Variants in IPO7 observed in about 807,000 individuals in gnomAD.
IPO7 encodes the protein importin-7.
Under a neutral mutation model 136.4 loss-of-function variants are expected in IPO7, and 13 were observed. The ratio of observed to expected loss-of-function variants is 0.10; its 90% CI spans 0.06 to 0.15. The LOEUF is 0.15. Among genes scored for constraint, IPO7 ranks in the 10% least tolerant of loss-of-function variants. The pLI, the probability that IPO7 is intolerant of heterozygous loss-of-function variation, is 1.00. For missense variants in IPO7, 857 were observed against 1,240.6 expected, an observed-to-expected ratio of 0.69 and a Z score of 4.65; for synonymous variants, 403 against 404.4, an observed-to-expected ratio of 1.00 and a Z score of 0.04.
Position 9,408,704 on chromosome 11 carries a change from G to GTTTTT in IPO7, c.320+87_320+91dup, listed in dbSNP as rs377057603. 4.0e-4 allele frequency: 70 copies of GTTTTT among 173,284 alleles called. 1 individual carries two copies. The highest frequency in any genetic ancestry group is 1.4e-3 in the South Asian group (10 of 7,236). 10.7% of individuals were successfully genotyped at this position (173,284 alleles called of 1,614,324 possible). On this transcript the variant is annotated intron_variant, in intron 3 of 24. Coordinates refer to ENST00000379719, the MANE Select transcript of IPO7 (RefSeq NM_006391.3). ...AACTTTCAGGGTTTTTTGTTTTTTGGTTTTTTTTTTTTTTTTTTTTTTTTT... is the reference window on the plus strand; with the variant it reads ...AACTTTCAGGGTTTTTTGTTTTTTGGTTTTTTTTTTTTTTTTTTTTTTTTTTTTTT...
At chr11:9,401,041 C>CAA (rs1854787388) in intron 1 of IPO7, among the ~76,000 whole-genome samples, 1 of 151,704 alleles carries the variant, frequency 6.6e-6, no homozygotes, top group African/African-American at 2.4e-5. Context: ...ATTAGCTGGG[C>CAA]GTGGTGGCAT....
chr11:9,404,676 C>T (rs1327680447), intron 2 of IPO7, among the ~76,000 whole-genome samples: 1 of 148,616 alleles, frequency 6.7e-6, no homozygotes, highest in Admixed American at 6.8e-5. Flanking sequence ...CGCCGTTCTT[C>T]TGCCTCAGCC....
In IPO7 at chr11:9,447,677, T is replaced by G. The variant is rs999558717; in HGVS notation, c.*2483T>G. On this transcript the variant is annotated 3_prime_UTR_variant, in exon 25 of 25. Coordinates refer to ENST00000379719, the MANE Select transcript of IPO7 (RefSeq NM_006391.3). ...TTTAGTTGTAGAAGTTAATTCTGATTTTGTGTGGATTTCAGTATTTGTCTT... is the reference window on the plus strand; with the variant it reads ...TTTAGTTGTAGAAGTTAATTCTGATGTTGTGTGGATTTCAGTATTTGTCTT... The G allele has an allele frequency of 2.0e-5, 3 of 152,208 alleles. No homozygotes were observed. Among genetic ancestry groups the G allele is most frequent in the African/African-American group, 7.2e-5 (3 of 41,470 alleles). The allele number at this position is 152,208 out of a possible 1,614,324, so 9.4% of individuals were successfully genotyped here.
At chr11:9,399,566 A>C (rs111716597) in intron 1 of IPO7, among the ~76,000 whole-genome samples, 1 of 152,292 alleles carries the variant, frequency 6.6e-6, no homozygotes, top group African/African-American at 2.4e-5. Context: ...TAGTGATGAG[A>C]GGTTGGGAGA....
intron 5 of IPO7, among the ~76,000 whole-genome samples, chr11:9,416,111 A>T (rs577389323): frequency 5.9e-5 from 9 of 152,210 alleles, no homozygotes; most frequent in African/African-American, 2.2e-4. Flanking sequence ...AGGTTGGAGG[A>T]TTGCTTGAAA....
intron 1 of IPO7, among the ~76,000 whole-genome samples, chr11:9,386,282 C>T (rs566965030): frequency 5.3e-5 from 8 of 152,186 alleles, no homozygotes; most frequent in Non-Finnish European, 8.8e-5. Context: ...AATTTTTAGA[C>T]TCAGAGTCAC....
intron 1 of IPO7, among the ~76,000 whole-genome samples, chr11:9,391,915 C>T (rs929455709): frequency 1.3e-5 from 2 of 152,002 alleles, no homozygotes; most frequent in East Asian, 3.9e-4. Context: ...TACAGGCGTG[C>T]ACCACCACAC....
chr11:9,440,215 C>T (rs967457499), intron 22 of IPO7, among the ~76,000 whole-genome samples: 3 of 152,116 alleles, frequency 2.0e-5, no homozygotes, highest in African/African-American at 4.8e-5. Context: ...GTTCATACTG[C>T]GCAGTTCTTT....
intron 10 of IPO7, among the ~76,000 whole-genome samples, 179 bp downstream of exon 10, chr11:9,424,055 T>C (rs1451449427): frequency 2.6e-5 from 4 of 152,214 alleles, no homozygotes; most frequent in Non-Finnish European, 5.9e-5. Flanking sequence ...GATAATCTTA[T>C]TTTTGGCAGA....
intron 23 of IPO7, 72 bp downstream of exon 23, chr11:9,440,733 G>GGAA: frequency 8.3e-7 from 1 of 1,204,058 alleles, no homozygotes; most frequent in Non-Finnish European, 1.2e-6. Flanking sequence ...GCCCTTTAAA[G>GGAA]GAAGAGTTTG....
In IPO7 at chr11:9,409,932, C is replaced by T. The variant is rs201024021; in HGVS notation, c.325C>T (p.Gln109Ter). ...CTGTTTTTTTTTGGCTTCCAGGGTA[C>T]AGCTTACTACATGCATTCATCACAT... ...IIHSPELIRVQLTTCIHHIIK... is the reference protein window; with the variant it reads ...IIHSPELIRV Residue 109 changes from glutamine (Q) to a stop codon, truncating the protein, a stop_gained, in exon 4 of 25, where the codon CAG (glutamine) becomes TAG (stop). Coordinates refer to ENST00000379719, the MANE Select transcript of IPO7 (RefSeq NM_006391.3). LOFTEE classifies it high-confidence loss of function. 6.5e-7 allele frequency: 1 copy of T among 1,541,666 alleles called. No homozygotes were observed. Among genetic ancestry groups the T allele is most frequent in the Non-Finnish European group, 8.7e-7 (1 of 1,148,902 alleles).
At chr11:9,438,355 A>C in intron 22 of IPO7, 70 bp downstream of exon 22, 1 of 988,434 alleles carries the variant, frequency 1.0e-6, no homozygotes, top group Non-Finnish European at 1.6e-6. Flanking sequence ...GGCCGGGCGC[A>C]GTGGCTCAGG....
chr11:9,441,836 T>C (rs1855463306), intron 23 of IPO7, among the ~76,000 whole-genome samples: 4 of 152,200 alleles, frequency 2.6e-5, no homozygotes, highest in South Asian at 2.1e-4. Flanking sequence ...TGAGTCCTTA[T>C]TTGCTGGAGA....
At chr11:9,423,654 C>T (rs1306387966) in intron 9 of IPO7, 123 bp from the exon 10 acceptor site, 1 of 603,950 alleles carries the variant, frequency 1.7e-6, no homozygotes, top group Non-Finnish European at 2.9e-6. Flanking sequence ...AAATGCATTA[C>T]TAACGTTTGA....
intron 22 of IPO7, among the ~76,000 whole-genome samples, chr11:9,439,726 C>T (rs1480805119): frequency 2.3e-5 from 3 of 131,664 alleles, no homozygotes; most frequent in African/African-American, 5.2e-5. Context: ...CAGGCGTGTG[C>T]CACCACACCG....
chr11:9,420,146 T>C, intron 6 of IPO7: 1 of 360,620 alleles, frequency 2.8e-6, no homozygotes, highest in Non-Finnish European at 5.0e-6. Context: ...ACCCCGTCTC[T>C]ACTAAAAATA....
At chr11:9,440,434 A>G (rs201818387) in intron 22 of IPO7, 21 bp from the exon 23 acceptor site, 2 of 1,572,058 alleles carry the variant, frequency 1.3e-6, no homozygotes, top group East Asian at 4.5e-5. Flanking sequence ...TTATAAAAGT[A>G]CTTATATTAT....
At chr11:9,441,045 C>G (rs140146475) in intron 23 of IPO7, among the ~76,000 whole-genome samples, 1 of 152,214 alleles carries the variant, frequency 6.6e-6, no homozygotes, top group African/African-American at 2.4e-5. Context: ...CTATACTTAA[C>G]GTGTTAAGAG....
At chr11:9,419,882 ATT>A (rs1183234491) in intron 6 of IPO7, among the ~76,000 whole-genome samples, 7 of 152,106 alleles carry the variant, frequency 4.6e-5, no homozygotes, top group Non-Finnish European at 2.9e-5. Flanking sequence ...TGACTATACT[ATT>A]TAGATCTTGG....
Sources: allele counts gnomAD v4.1 joint callset (sites outside exome capture counted in the v4.1 genomes callset), GRCh38; gene constraint gnomAD v4.1.1; transcripts MANE v1.5; gene names NCBI Gene and HGNC (gene_info 2026-07-23, HGNC 2026-07-21).